Variants in CACNA1C observed in about 807,000 individuals in gnomAD.
CACNA1C encodes the protein calcium voltage-gated channel subunit alpha1 C.
Under a neutral mutation model 229.0 loss-of-function variants are expected in CACNA1C, and 30 were observed. The observed-to-expected ratio is 0.13, with a 90% CI of 0.10 to 0.18. CACNA1C has a LOEUF of 0.18. CACNA1C is among the 10% of genes least tolerant of loss of function. The pLI, the probability that CACNA1C is intolerant of heterozygous loss-of-function variation, is 1.00. For missense variants in CACNA1C, 1,658 were observed against 2,845.0 expected (o/e 0.58, Z 9.49); for synonymous variants, 1,114 against 1,132.5 (o/e 0.98, Z 0.33).
At chr12:2,031,533 T>C (rs2048226205) in intron 1 of CACNA1C, among the ~76,000 whole-genome samples, 2 of 152,324 alleles carry the variant, frequency 1.3e-5, no homozygotes, top group Non-Finnish European at 2.9e-5. Flanking sequence ...GATAATGAGT[T>C]TCTTTTTTAT....
upstream of CACNA1C, chr12:2,049,561 C>CAT (rs1343736282): frequency 6.6e-6 from 1 of 152,086 alleles, no homozygotes; most frequent in Non-Finnish European, 1.5e-5. Context: ...ATTGAGTGTC[C>CAT]ATATGTACAA....
chr12:2,162,841 T>C (rs557600558), intron 3 of CACNA1C, among the ~76,000 whole-genome samples: 261 of 152,312 alleles, frequency 1.7e-3, no homozygotes, highest in Middle Eastern at 3.4e-3. Flanking sequence ...TGGTATACTT[T>C]TGTGAACCAC....
intron 3 of CACNA1C, among the ~76,000 whole-genome samples, chr12:2,434,294 T>C (rs990735188): frequency 6.6e-6 from 1 of 152,208 alleles, no homozygotes; most frequent in Non-Finnish European, 1.5e-5. Context: ...TGAAGTGAGC[T>C]TCTCAGACAC....
intron 1 of CACNA1C, among the ~76,000 whole-genome samples, chr12:2,089,841 T>A (rs1231406010): frequency 6.7e-6 from 1 of 150,358 alleles, no homozygotes; most frequent in Admixed American, 6.6e-5. Context: ...GAGACCAGCC[T>A]GGCCAACATA....
intron 3 of CACNA1C, among the ~76,000 whole-genome samples, chr12:2,411,045 G>A (rs557260382): frequency 6.6e-6 from 1 of 152,214 alleles, no homozygotes; most frequent in African/African-American, 2.4e-5. Flanking sequence ...TGCCTCTTAG[G>A]AAGGGCCTAG....
intron 3 of CACNA1C, among the ~76,000 whole-genome samples, chr12:2,432,263 G>A (rs1385929618): frequency 6.6e-6 from 1 of 152,216 alleles, no homozygotes; most frequent in Non-Finnish European, 1.5e-5. Context: ...GGGGCATGTG[G>A]TCGGCAAAGA....
chr12:2,332,954 T>C (rs1457424148), intron 3 of CACNA1C, among the ~76,000 whole-genome samples: 1 of 152,152 alleles, frequency 6.6e-6, no homozygotes. Context: ...AAACAACAAA[T>C]AAAGTAGCAA....
chr12:2,009,277 C>A (rs1465701842), intron 1 of CACNA1C, among the ~76,000 whole-genome samples: 1 of 152,076 alleles, frequency 6.6e-6, no homozygotes, highest in Non-Finnish European at 1.5e-5. Flanking sequence ...AATTTTTATA[C>A]CATGGCAATG....
chr12:2,432,119 CA>C (rs915820580), intron 3 of CACNA1C, among the ~76,000 whole-genome samples: 19 of 151,718 alleles, frequency 1.3e-4, no homozygotes, highest in Admixed American at 3.9e-4. Flanking sequence ...GAGACACCCA[CA>C]AAAAAAAGCC....
At chr12:2,124,541 C>G (rs537301307) in intron 3 of CACNA1C, among the ~76,000 whole-genome samples, 85 of 152,080 alleles carry the variant, frequency 5.6e-4, no homozygotes, top group Admixed American at 9.8e-4. Flanking sequence ...GGAGGAGGCT[C>G]GAAGGCTTTA....
chr12:2,484,513 C>T (rs2099689675), intron 5 of CACNA1C, among the ~76,000 whole-genome samples: 1 of 152,158 alleles, frequency 6.6e-6, no homozygotes, highest in African/African-American at 2.4e-5. Flanking sequence ...CCTGAGGCAG[C>T]CTGCTGAGCA....
chr12:2,198,449 A>C (rs891675931), intron 3 of CACNA1C, among the ~76,000 whole-genome samples: 1 of 152,108 alleles, frequency 6.6e-6, no homozygotes, highest in Non-Finnish European at 1.5e-5. Context: ...TTAACAATTA[A>C]TTACAGCTCC....
rs764015735 is a variant in CACNA1C at position 2,567,813 on chromosome 12, C to G, written c.1895+19C>G. The stretch of plus-strand genomic sequence containing the variant: ...TCACGAGGTACTGGGCTCCCCCTCT[C>G]ACTTTGAAGAGGGGACTCAGGAAGA... On this transcript the variant is annotated intron_variant, in intron 13 of 46. Transcript: ENST00000399655. 14 of 1,482,986 alleles carry G rather than the reference C, an allele frequency of 9.4e-6. No homozygotes were observed. The East Asian group carries it at 1.4e-4, about 15-fold the overall frequency. The allele number at this position is 1,482,986 out of a possible 1,614,324, so 91.9% of individuals were successfully genotyped here. A position where few individuals can be genotyped will look rare whatever the true frequency, so the allele number is the denominator to read the frequency against.
chr12:2,515,591 C>T (rs1286617998), intron 9 of CACNA1C, among the ~76,000 whole-genome samples: 1 of 152,234 alleles, frequency 6.6e-6, no homozygotes, highest in African/African-American at 2.4e-5. Context: ...GATCACTCTT[C>T]ATCAGCAGCT....
intron 11 of CACNA1C, among the ~76,000 whole-genome samples, chr12:2,564,401 A>G (rs2049166972): frequency 1.3e-5 from 2 of 152,182 alleles, no homozygotes; most frequent in Admixed American, 1.3e-4. Flanking sequence ...AGATTCATAG[A>G]AAGGAGATCA....
intron 3 of CACNA1C, among the ~76,000 whole-genome samples, chr12:2,363,779 G>A (rs566219197): frequency 4.2e-4 from 64 of 152,328 alleles, no homozygotes; most frequent in African/African-American, 1.5e-3. Context: ...GGATAATGGT[G>A]TGTATTAAGG....
chr12:2,610,680 C>T lies in CACNA1C; in HGVS notation c.3698C>T (p.Thr1233Ile). 1 of 1,614,238 alleles carries T rather than the reference C, an allele frequency of 6.2e-7. No homozygotes were observed. The highest frequency in any genetic ancestry group is 8.5e-7 in the Non-Finnish European group (1 of 1,180,040). Residue 1233 changes from threonine to isoleucine, a missense_variant, in exon 28 of 47, where the codon ACC becomes ATC. Thr to Ile is a moderately conservative substitution (Grantham distance 89). This residue lies in a region of CACNA1C where 67 missense variants were observed against 106.4 expected (regional missense o/e 0.63). Coordinates refer to ENST00000399655, the MANE Select transcript of CACNA1C (RefSeq NM_000719.7). Reference sequence around the variant, plus strand: ...ATGTTCGTCCTCATCCTGCTCAACACCATCTGCCTGGCCATGCAGGTCAGT... The same window carrying T: ...ATGTTCGTCCTCATCCTGCTCAACATCATCTGCCTGGCCATGCAGGTCAGT... ...YLMFVLILLN[T>I]ICLAMQHYGQ...
chr12:2,522,743 CA>C (rs888251439), intron 9 of CACNA1C, among the ~76,000 whole-genome samples: 1 of 152,038 alleles, frequency 6.6e-6, no homozygotes, highest in African/African-American at 2.4e-5. Flanking sequence ...AGAGGAAGGA[CA>C]GGGGCAGAGG....
chr12:2,395,924 G>T (rs151135843), intron 3 of CACNA1C, among the ~76,000 whole-genome samples: 1 of 152,150 alleles, frequency 6.6e-6, no homozygotes, highest in African/African-American at 2.4e-5. Context: ...TTACAAGCCA[G>T]GATCCGGTAC....
Sources: allele counts gnomAD v4.1 joint callset (sites outside exome capture counted in the v4.1 genomes callset), GRCh38; gene constraint gnomAD v4.1.1; regional missense constraint gnomAD v4.1.1; transcripts MANE v1.5; gene names NCBI Gene and HGNC (gene_info 2026-07-23, HGNC 2026-07-21).